Variants in HDAC9 observed in about 807,000 individuals in gnomAD.
HDAC9 encodes histone deacetylase 9.
Under a neutral mutation model 139.4 loss-of-function variants are expected in HDAC9, and 41 were observed. The ratio of observed to expected loss-of-function variants is 0.29; its 90% CI spans 0.23 to 0.38. The LOEUF is 0.38. HDAC9 is among the 10% of genes least tolerant of loss of function. The pLI is 1.00. For missense variants in HDAC9, 1,147 were observed against 1,297.0 expected (o/e 0.88, Z 1.78); for synonymous variants, 517 against 476.2 (o/e 1.09, Z -1.12).
intron 2 of HDAC9, among the ~76,000 whole-genome samples, chr7:18,250,885 T>C (rs996642418): frequency 6.6e-6 from 1 of 151,622 alleles, no homozygotes; most frequent in Non-Finnish European, 1.5e-5. Flanking sequence ...GATGTTCAGC[T>C]TTTTTTTCAT....
chr7:18,749,266 T>G (rs1470903965), intron 14 of HDAC9, 128 bp downstream of exon 14: 2 of 986,718 alleles, frequency 2.0e-6, no homozygotes. Context: ...TGAACCATCA[T>G]AGATTCAGGT....
At chr7:18,257,189 A>G (rs1031442818) in intron 2 of HDAC9, among the ~76,000 whole-genome samples, 7 of 150,956 alleles carry the variant, frequency 4.6e-5, no homozygotes, top group African/African-American at 1.7e-4. Flanking sequence ...AGAAGAAAAC[A>G]TTGGGTCAGG....
intron 2 of HDAC9, among the ~76,000 whole-genome samples, chr7:18,230,065 G>A (rs1315349401): frequency 2.0e-5 from 3 of 152,122 alleles, no homozygotes; most frequent in Admixed American, 6.6e-5. Context: ...TAAAAATAAT[G>A]GGTGCAGGTT....
At chr7:18,985,567 T>G (rs1338415563) in intron 25 of HDAC9, among the ~76,000 whole-genome samples, 1 of 151,254 alleles carries the variant, frequency 6.6e-6, no homozygotes, top group Admixed American at 6.6e-5. Flanking sequence ...TGATTTATAG[T>G]CCTTTGGGTA....
At chr7:18,905,532 G>A (rs1802156179) in intron 22 of HDAC9, among the ~76,000 whole-genome samples, 1 of 152,152 alleles carries the variant, frequency 6.6e-6, no homozygotes, top group African/African-American at 2.4e-5. Context: ...ATAACTTTAT[G>A]TTAAAGATTA....
intron 1 of HDAC9, among the ~76,000 whole-genome samples, chr7:18,367,841 A>C (rs78225611): frequency 0.026 from 3,926 of 152,172 alleles, 140 homozygotes; most frequent in East Asian, 0.18. Context: ...GTTTCCCAAC[A>C]CTTGTATGTT....
chr7:18,192,035 A>G (rs1790382437), intron 2 of HDAC9, among the ~76,000 whole-genome samples: 1 of 152,196 alleles, frequency 6.6e-6, no homozygotes, highest in Admixed American at 6.5e-5. Flanking sequence ...GTGATTGTAC[A>G]GTATTGCTTG....
intron 12 of HDAC9, among the ~76,000 whole-genome samples, chr7:18,681,806 A>C (rs1337731076): frequency 6.6e-6 from 1 of 152,030 alleles, no homozygotes; most frequent in African/African-American, 2.4e-5. Context: ...CCAGGTGCCA[A>C]GATATCGCCC....
intron 16 of HDAC9, among the ~76,000 whole-genome samples, chr7:18,768,270 A>G (rs942353253): frequency 6.6e-6 from 1 of 152,206 alleles, no homozygotes; most frequent in African/African-American, 2.4e-5. Context: ...AGCTGAAAGT[A>G]TGGGGGTGAT....
chr7:18,088,819 T>A (rs900216973), intron 1 of HDAC9, among the ~76,000 whole-genome samples: 6 of 152,238 alleles, frequency 3.9e-5, no homozygotes, highest in African/African-American at 1.4e-4. Context: ...TGGAAACCAT[T>A]TATGTTTAAA....
intron 17 of HDAC9, among the ~76,000 whole-genome samples, chr7:18,811,939 G>C (rs1332538011): frequency 1.3e-5 from 2 of 151,598 alleles, no homozygotes; most frequent in African/African-American, 4.8e-5. Context: ...ATTGGTTTTA[G>C]AACCCCCCTT....
chr7:18,141,689 C>CT (rs559979175), intron 1 of HDAC9, among the ~76,000 whole-genome samples: 1 of 151,854 alleles, frequency 6.6e-6, no homozygotes, highest in East Asian at 1.9e-4. Context: ...GATTGGAGCT[C>CT]TTTTTTTTAA....
At chr7:18,667,762 T>G (rs867175995) in intron 12 of HDAC9, 1 of 984,932 alleles carries the variant, frequency 1.0e-6, no homozygotes, top group Admixed American at 6.2e-5. Flanking sequence ...ATGAATTGAT[T>G]TATTGTCTAA....
At chr7:18,412,578 C>T (rs142202504) in intron 1 of HDAC9, among the ~76,000 whole-genome samples, 3,721 of 152,228 alleles carry the variant, frequency 0.024, 160 homozygotes, top group Admixed American at 0.12. Flanking sequence ...GATGAGGATC[C>T]GGCAGTTCAG....
At chr7:18,878,138 A>G (rs1293563198) in intron 22 of HDAC9, among the ~76,000 whole-genome samples, 1 of 152,162 alleles carries the variant, frequency 6.6e-6, no homozygotes, top group African/African-American at 2.4e-5. Flanking sequence ...CAAACAATAA[A>G]ATTAATTCAT....
At chr7:18,663,716 G>C (rs1793934000) in intron 11 of HDAC9, among the ~76,000 whole-genome samples, 1 of 152,132 alleles carries the variant, frequency 6.6e-6, no homozygotes. Flanking sequence ...GTGTTAGTGA[G>C]AGGGAGAGTT....
intron 13 of HDAC9, among the ~76,000 whole-genome samples, chr7:18,732,712 T>C (rs536579975): frequency 7.5e-6 from 1 of 133,226 alleles, no homozygotes; most frequent in Non-Finnish European, 1.6e-5. Context: ...TATGTGTGCG[T>C]ATGTGTACAC....
chr7:18,392,774 A>T (rs1786652152), intron 1 of HDAC9, among the ~76,000 whole-genome samples: 1 of 152,114 alleles, frequency 6.6e-6, no homozygotes, highest in African/African-American at 2.4e-5. Context: ...GGTCACTCAG[A>T]TATGATTTAG....
At chr7:18,186,842 A>G (rs1399515293) in intron 2 of HDAC9, among the ~76,000 whole-genome samples, 1 of 152,234 alleles carries the variant, frequency 6.6e-6, no homozygotes, top group East Asian at 1.9e-4. Flanking sequence ...ATGTTAATAA[A>G]AGCAGATTTT....
Sources: gnomAD v4.1 joint callset for allele counts (sites outside exome capture counted in the v4.1 genomes callset) on GRCh38, gnomAD v4.1.1 for gene constraint, MANE v1.5 for transcripts, NCBI Gene and HGNC (gene_info 2026-07-23, HGNC 2026-07-21) for gene names.